Variants in CACNB2 observed in about 807,000 individuals in gnomAD.
CACNB2 encodes the protein voltage-dependent L-type calcium channel subunit beta-2.
A neutral mutation model predicts 73.3 loss-of-function variants in CACNB2; 42 were observed. That is an observed-to-expected ratio of 0.57 (90% CI 0.45 to 0.74). The LOEUF (loss-of-function observed/expected upper bound fraction) is 0.74. CACNB2 is among the 30% of genes least tolerant of loss of function. The pLI is 0.00. For missense variants in CACNB2, 940 were observed against 853.0 expected (o/e 1.10, Z -1.27); for synonymous variants, 348 against 310.3 (o/e 1.12, Z -1.28).
At chr10:18,485,558 C>CT (rs34707498) in intron 3 of CACNB2, among the ~76,000 whole-genome samples, 1,886 of 129,252 alleles carry the variant, frequency 0.015, 53 homozygotes, top group African/African-American at 0.044. Flanking sequence ...CTCTCTCTCT[C>CT]TTTTTTTTTT....
At chr10:18,530,191 C>A (rs576674842) in intron 10 of CACNB2, among the ~76,000 whole-genome samples, 103 of 152,156 alleles carry the variant, frequency 6.8e-4, no homozygotes, top group Non-Finnish European at 1.3e-3. Flanking sequence ...TGGGCACAGC[C>A]AAACCATGTC....
At chr10:18,188,400 G>A (rs547737957) in intron 2 of CACNB2, among the ~76,000 whole-genome samples, 2 of 152,078 alleles carry the variant, frequency 1.3e-5, no homozygotes, top group East Asian at 3.9e-4. Context: ...TCCAACTCCT[G>A]GGTTCAAGCA....
chr10:18,518,436 A>T lies in CACNB2; in HGVS notation c.885+20A>T. On this transcript the variant is annotated intron_variant, in intron 8 of 13. Transcript: ENST00000324631. ...TACGAGGTGGGTAGCAGCCTTCCACAGGAAGCTTAACTTGCATGCTGAACT... is the reference window on the plus strand; with the variant it reads ...TACGAGGTGGGTAGCAGCCTTCCACTGGAAGCTTAACTTGCATGCTGAACT... The T allele has an allele frequency of 6.6e-7, 1 of 1,524,756 alleles. No individual in the cohort carries two copies. Among genetic ancestry groups the T allele is most frequent in the Non-Finnish European group, 9.1e-7 (1 of 1,099,036 alleles). 94.5% of individuals were successfully genotyped at this position (1,524,756 alleles called of 1,614,324 possible).
chr10:18,327,966 A>C (rs376779763), intron 2 of CACNB2, among the ~76,000 whole-genome samples: 164 of 152,290 alleles, frequency 1.1e-3, no homozygotes, highest in Middle Eastern at 3.4e-3. Context: ...ACATATCAGA[A>C]GTGTCAAATT....
chr10:18,261,079 C>A (rs1022218269), intron 2 of CACNB2: 58 of 1,392,522 alleles, frequency 4.2e-5, no homozygotes, highest in South Asian at 1.6e-4. Flanking sequence ...CAGGGGAGAA[C>A]AAAGTTTTGG....
At chr10:18,217,370 G>A (rs185453275) in intron 2 of CACNB2, among the ~76,000 whole-genome samples, 9 of 152,208 alleles carry the variant, frequency 5.9e-5, no homozygotes, top group African/African-American at 9.6e-5. Flanking sequence ...TATAGACCCA[G>A]TAACTCGGTA....
chr10:18,204,869 T>C (rs569267721), intron 2 of CACNB2, among the ~76,000 whole-genome samples: 2 of 151,978 alleles, frequency 1.3e-5, no homozygotes, highest in South Asian at 4.2e-4. Context: ...CTGTATAGAG[T>C]CAATTTCAAG....
intron 2 of CACNB2, among the ~76,000 whole-genome samples, chr10:18,307,245 C>T (rs374697170): frequency 6.6e-6 from 1 of 152,094 alleles, no homozygotes; most frequent in Non-Finnish European, 1.5e-5. Flanking sequence ...GGGCAGATCA[C>T]GAGGCCTGAA....
At chr10:18,394,771 A>G (rs1363505819) in intron 2 of CACNB2, among the ~76,000 whole-genome samples, 2 of 152,266 alleles carry the variant, frequency 1.3e-5, no homozygotes, top group Non-Finnish European at 2.9e-5. Flanking sequence ...AATTATTATC[A>G]TTAATAAGAT....
At chr10:18,471,374 G>T (rs1370846929) in intron 3 of CACNB2, among the ~76,000 whole-genome samples, 1 of 152,048 alleles carries the variant, frequency 6.6e-6, no homozygotes. Flanking sequence ...GTTTCTGGAA[G>T]ACCTTAAAAT....
intron 9 of CACNB2, among the ~76,000 whole-genome samples, chr10:18,521,562 T>C (rs2051886379): frequency 6.6e-6 from 1 of 152,192 alleles, no homozygotes; most frequent in African/African-American, 2.4e-5. Context: ...TAAGTATTTA[T>C]TGAGTATATT....
intron 3 of CACNB2, among the ~76,000 whole-genome samples, chr10:18,439,173 T>C (rs928224006): frequency 6.6e-5 from 10 of 152,224 alleles, no homozygotes; most frequent in African/African-American, 2.4e-4. Flanking sequence ...TGGGGGCTTA[T>C]ATACCATTTT....
At chr10:18,209,140 G>A (rs913419446) in intron 2 of CACNB2, among the ~76,000 whole-genome samples, 3 of 152,116 alleles carry the variant, frequency 2.0e-5, no homozygotes, top group Non-Finnish European at 4.4e-5. Context: ...TAATGTAAAT[G>A]TTATGTCTTA....
chr10:18,156,410 A>G (rs2032046112), intron 2 of CACNB2, among the ~76,000 whole-genome samples: 2 of 152,238 alleles, frequency 1.3e-5, no homozygotes. Context: ...AGTCAGTGAT[A>G]TGTTACAAGA....
chr10:18,542,980 T>C lies in CACNB2; in HGVS notation c.*3256T>C, dbSNP rs572311910. The C allele has an allele frequency of 1.3e-5, 2 of 151,880 alleles. No homozygotes were observed. The highest frequency in any genetic ancestry group is 4.2e-4 in the South Asian group (2 of 4,806). The allele number at this position is 151,880 out of a possible 1,614,324, so 9.4% of individuals were successfully genotyped here. A position where few individuals can be genotyped will look rare whatever the true frequency, so the allele number is the denominator to read the frequency against. On this transcript the variant is annotated 3_prime_UTR_variant, in exon 14 of 14. Coordinates refer to ENST00000324631, the MANE Select transcript of CACNB2 (RefSeq NM_201596.3). ...ACTGTTACAAAAAGGTGCTGCTAAA[T>C]GTAGGATGTCTTAGTCATGTTGTAC... is the stretch of plus-strand genomic sequence containing the variant.
In CACNB2 at chr10:18,299,119, TA is replaced by T. The variant is rs1190256707; in HGVS notation, c.214-102798del. Among the ~76,000 whole-genome samples, 3 of 137,816 alleles carry T rather than the reference TA, an allele frequency of 2.2e-5. No individual in the cohort carries two copies. In the East Asian group the frequency reaches 6.7e-4, roughly 31 times the overall value. 90.4% of individuals were successfully genotyped at this position (137,816 alleles called of 152,430 possible). A position where few individuals can be genotyped will look rare whatever the true frequency, so the allele number is the denominator to read the frequency against. ...AAAAAATAAAAAGAAAAAAATAAAA[TA>T]AAAAAAGAAAAAAAAAGTTACCAAG... On this transcript the variant is annotated intron_variant, in intron 2 of 13. Coordinates refer to ENST00000324631, the MANE Select transcript of CACNB2 (RefSeq NM_201596.3).
intron 2 of CACNB2, among the ~76,000 whole-genome samples, chr10:18,212,901 C>A (rs2035374051): frequency 6.6e-6 from 1 of 152,158 alleles, no homozygotes; most frequent in African/African-American, 2.4e-5. Context: ...AGAGCCCTGG[C>A]AATAGTTAAT....
chr10:18,328,849 A>G (rs541853132), intron 2 of CACNB2, among the ~76,000 whole-genome samples: 1 of 152,200 alleles, frequency 6.6e-6, no homozygotes, highest in African/African-American at 2.4e-5. Context: ...ATTTCACTGG[A>G]TATGTAGAGA....
intron 2 of CACNB2, chr10:18,400,546 C>G (rs1476853538): frequency 2.0e-6 from 2 of 1,012,984 alleles, no homozygotes; most frequent in African/African-American, 1.7e-5. Flanking sequence ...GGAGTGCGTC[C>G]TCCTCCCTCC....
Sources: gnomAD v4.1 joint callset for allele counts (sites outside exome capture counted in the v4.1 genomes callset) on GRCh38, gnomAD v4.1.1 for gene constraint, MANE v1.5 for transcripts, NCBI Gene and HGNC (gene_info 2026-07-23, HGNC 2026-07-21) for gene names.